The following TRIM72 variants were observed in gnomAD, a reference collection of about 807,000 sequenced individuals.
TRIM72 encodes tripartite motif containing 72.
A neutral mutation model predicts 31.6 loss-of-function variants in TRIM72; 33 were observed. That is an observed-to-expected ratio of 1.04 (90% CI 0.79 to 1.40). The LOEUF (loss-of-function observed/expected upper bound fraction) is 1.40. TRIM72 is among the 40% of genes most tolerant of loss of function. The probability of loss-of-function intolerance (pLI) is 0.00; values close to 1 mark genes in which losing one functional copy is unlikely to be tolerated. For missense variants in TRIM72, 666 were observed against 682.7 expected, an observed-to-expected ratio of 0.98 and a Z score of 0.27; for synonymous variants, 301 against 314.4, an observed-to-expected ratio of 0.96 and a Z score of 0.45.
Position 31,224,394 on chromosome 16 carries a change from C to A in TRIM72, c.1073C>A (p.Ala358Glu). 2 of 1,459,850 alleles carry A rather than the reference C, an allele frequency of 1.4e-6. No individual in the cohort carries two copies. Among genetic ancestry groups the A allele is most frequent in the Non-Finnish European group, 1.8e-6 (2 of 1,116,954 alleles). 90.4% of individuals were successfully genotyped at this position (1,459,850 alleles called of 1,614,324 possible). A position where few individuals can be genotyped will look rare whatever the true frequency, so the allele number is the denominator to read the frequency against. ...GATGTTGGCGACAAGCCGCGCTGGG[C>A]GCTGGGCGTGATCGCGGCCGAGGCC... ...EVDVGDKPRW[A>E]LGVIAAEAPR... Residue 358 changes from alanine (A) to glutamate (E), a missense_variant, in exon 7 of 7, where the codon GCG becomes GAG. By Grantham distance (107) the Ala-to-Glu change is moderately radical (BLOSUM62 -1). Transcript: ENST00000322122.
Position 31,224,668 on chromosome 16 carries a change from G to C in TRIM72, c.1347G>C (p.Val449=), listed in dbSNP as rs564747195. ...FAFHERLPRP[V]YPFFDVCWHD... is the part of the protein sequence containing the mutation. ...TCCACGAGCGCCTGCCCAGGCCCGT[G>C]TACCCCTTCTTCGACGTGTGCTGGC... The change falls in exon 7 of 7, where the codon GTG becomes GTC. Residue 449 remains valine, a synonymous_variant. Coordinates refer to ENST00000322122, the MANE Select transcript of TRIM72 (RefSeq NM_001008274.4). The C allele has an allele frequency of 7.7e-6, 12 of 1,550,116 alleles. No individual in the cohort carries two copies. The highest frequency in any genetic ancestry group is 2.7e-5 in the African/African-American group (2 of 73,368).
intron 2 of TRIM72, chr16:31,217,157 C>T: frequency 1.0e-6 from 1 of 973,310 alleles, no homozygotes; most frequent in Non-Finnish European, 1.5e-6. Context: ...TCCTATTCAA[C>T]CCTGTGGCTC....
Position 31,223,022 on chromosome 16 carries a change from C to T in TRIM72, c.859+77C>T, listed in dbSNP as rs1596942550. Reference sequence around the variant, plus strand: ...GGCCCTAGCCACCCTGGAGAGGCCTCCCAGTCCCAACTGGGGAGGCCACTG... The same window carrying T: ...GGCCCTAGCCACCCTGGAGAGGCCTTCCAGTCCCAACTGGGGAGGCCACTG... On this transcript the variant is annotated intron_variant, in intron 6 of 6. Coordinates refer to ENST00000322122, the MANE Select transcript of TRIM72 (RefSeq NM_001008274.4). 14 of 1,146,240 alleles carry T rather than the reference C, an allele frequency of 1.2e-5. No individual in the cohort carries two copies. In the East Asian group the frequency reaches 3.7e-4, roughly 30 times the overall value. 71.0% of individuals were successfully genotyped at this position (1,146,240 alleles called of 1,614,324 possible).
chr16:31,225,949 G>GA lies in TRIM72; in HGVS notation c.*1198dup, dbSNP rs1363352720. On this transcript the variant is annotated 3_prime_UTR_variant, in exon 7 of 7. Coordinates refer to ENST00000322122, the MANE Select transcript of TRIM72 (RefSeq NM_001008274.4). ...CAGACATGAGCCACTGCACCTGGCT[G>GA]AAAATGCTCATTTTTTTTTTTTTAA... The GA allele has an allele frequency of 6.6e-6, 1 of 151,598 alleles. No individual in the cohort carries two copies. Among genetic ancestry groups the GA allele is most frequent in the Non-Finnish European group, 1.5e-5 (1 of 67,892 alleles). 9.4% of individuals were successfully genotyped at this position (151,598 alleles called of 1,614,324 possible).
rs149362539 is a variant in TRIM72, at chr16:31,226,992, G to T, written c.*2237G>T. On this transcript the variant is annotated 3_prime_UTR_variant, in exon 7 of 7. Coordinates refer to ENST00000322122, the MANE Select transcript of TRIM72 (RefSeq NM_001008274.4). ...GCCTGAGGATCTGGCAGGGGAAGGC[G>T]GCACACCTGGGTGTGTCTCCCAGAG... is the stretch of plus-strand genomic sequence containing the variant. 1 of 152,276 alleles carries T rather than the reference G, an allele frequency of 6.6e-6. No individual in the cohort carries two copies. Among genetic ancestry groups the T allele is most frequent in the South Asian group, 2.1e-4 (1 of 4,830 alleles). The allele number at this position is 152,276 out of a possible 1,614,324, so 9.4% of individuals were successfully genotyped here.
In TRIM72 at chr16:31,224,347, GGGC is replaced by G. The variant is rs764242730; in HGVS notation, c.1028_1030del (p.Gly343del). On this transcript the variant is annotated inframe_deletion, in exon 7 of 7. Coordinates refer to ENST00000322122, the MANE Select transcript of TRIM72 (RefSeq NM_001008274.4). ...TGGTGGCGCACCAGCAGCTCTCCGA[GGGC>G]GAGCACTACTGGGAGGTGGATGTTG... is the stretch of plus-strand genomic sequence containing the variant. 15 of 1,582,288 alleles carry G rather than the reference GGGC, an allele frequency of 9.5e-6. No homozygotes were observed. The South Asian group carries it at 1.5e-4, about 16-fold the overall frequency.
In TRIM72 at chr16:31,215,201, T is replaced by TG; in HGVS notation, c.390+74dup. Reference sequence around the variant, plus strand: ...GGGGCCGATGGGGAGGTCGCTGCAGTGATTTGGATTCTGAGTCTCTAGAGA... The same window carrying TG: ...GGGGCCGATGGGGAGGTCGCTGCAGTGGATTTGGATTCTGAGTCTCTAGAGA... On this transcript the variant is annotated intron_variant, in intron 2 of 6. Coordinates refer to ENST00000322122, the MANE Select transcript of TRIM72 (RefSeq NM_001008274.4). This position sits in a 1 kb window ranked among gnomAD's most constrained non-coding sequence, Gnocchi z 6.3. The TG allele has an allele frequency of 6.4e-6, 9 of 1,403,048 alleles. No individual in the cohort carries two copies. The highest frequency in any genetic ancestry group is 8.3e-6 in the Non-Finnish European group (9 of 1,086,472). 86.9% of individuals were successfully genotyped at this position (1,403,048 alleles called of 1,614,324 possible).
At position 31,215,672 on chromosome 16, in the gene TRIM72, C is replaced by A. The variant is rs894127867; in HGVS notation, c.390+544C>A. Among the ~76,000 whole-genome samples, 20 of 152,218 alleles carry A rather than the reference C, an allele frequency of 1.3e-4. No homozygotes were observed. The highest frequency in any genetic ancestry group is 4.8e-4 in the African/African-American group (20 of 41,462). ...TTGGGCTGGCCTGACGGTCCCCAGG[C>A]GGGGCCTCACCAGAAGGGAGACTGT... On this transcript the variant is annotated intron_variant, in intron 2 of 6. Transcript: ENST00000322122. This position sits in a 1 kb window ranked among gnomAD's most constrained non-coding sequence, Gnocchi z 6.3.
chr16:31,217,405 G>C (rs2079515256), intron 2 of TRIM72: 1 of 184,088 alleles, frequency 5.4e-6, no homozygotes, highest in East Asian at 1.4e-4. Context: ...TACTCGGGAG[G>C]CTGAAGCAAA....
At position 31,225,010 on chromosome 16, in the gene TRIM72, G is replaced by A. The variant is rs1021848543; in HGVS notation, c.*255G>A. 3 of 339,380 alleles carry A rather than the reference G, an allele frequency of 8.8e-6. No homozygotes were observed. The allele number at this position is 339,380 out of a possible 1,614,324, so 21.0% of individuals were successfully genotyped here. The stretch of plus-strand genomic sequence containing the variant: ...GTTCAAGACCAGCCTGGCCAACATG[G>A]TGAAACTCCTCTCTACTGAAAATAC... On this transcript the variant is annotated 3_prime_UTR_variant, in exon 7 of 7. Coordinates refer to ENST00000322122, the MANE Select transcript of TRIM72 (RefSeq NM_001008274.4).
At chr16:31,217,075 G>A in intron 2 of TRIM72, 1 of 1,569,324 alleles carries the variant, frequency 6.4e-7, no homozygotes. Flanking sequence ...GAGCCATCAG[G>A]TCCTACCTTT....
chr16:31,224,280 C>T lies in TRIM72; in HGVS notation c.959C>T (p.Pro320Leu), dbSNP rs773218230. ...RVECSEQKAPPAGEDPRQFDK... is the reference protein window; with the variant it reads ...RVECSEQKAPLAGEDPRQFDK... Reference sequence around the variant, plus strand: ...GAGTGCTCGGAGCAGAAGGCGCCGCCGGCCGGGGAGGACCCGCGCCAGTTC... The same window carrying T: ...GAGTGCTCGGAGCAGAAGGCGCCGCTGGCCGGGGAGGACCCGCGCCAGTTC... Residue 320 changes from proline (P) to leucine (L), a missense_variant, in exon 7 of 7, where the codon CCG becomes CTG. By Grantham distance (98) the Pro-to-Leu change is moderately conservative (BLOSUM62 -3). Transcript: ENST00000322122. 17 of 1,603,482 alleles carry T rather than the reference C, an allele frequency of 1.1e-5. No individual in the cohort carries two copies. The East Asian group carries it at 3.1e-4, about 29-fold the overall frequency.
At chr16:31,214,680 G>T in intron 1 of TRIM72, 52 bp from the exon 2 acceptor site, 1 of 1,437,544 alleles carries the variant, frequency 7.0e-7, no homozygotes, top group Non-Finnish European at 9.1e-7. Context: ...CCAGGGCTGG[G>T]CCGGGAGCGC....
intron 2 of TRIM72, among the ~76,000 whole-genome samples, chr16:31,217,859 CG>C (rs966007225): frequency 6.6e-6 from 1 of 152,088 alleles, no homozygotes; most frequent in African/African-American, 2.4e-5. Context: ...GTGATCCACC[CG>C]CCCTGGCCTC....
chr16:31,219,585 T>C lies in TRIM72; in HGVS notation c.717+66T>C. The C allele has an allele frequency of 7.0e-7, 1 of 1,438,064 alleles. No homozygotes were observed. Among genetic ancestry groups the C allele is most frequent in the African/African-American group, 1.4e-5 (1 of 70,092 alleles). The allele number at this position is 1,438,064 out of a possible 1,614,324, so 89.1% of individuals were successfully genotyped here. A position where few individuals can be genotyped will look rare whatever the true frequency, so the allele number is the denominator to read the frequency against. ...CTCAGGGCCCAGAGACCTCATCCCA[T>C]TGTCAGATAGGCCCAGAGAGGGGCA... On this transcript the variant is annotated intron_variant, in intron 4 of 6. Transcript: ENST00000322122. This position sits in a 1 kb window ranked among gnomAD's most constrained non-coding sequence, Gnocchi z 4.2.
At chr16:31,221,382 G>C (rs2079532664) in intron 5 of TRIM72, among the ~76,000 whole-genome samples, 1 of 150,072 alleles carries the variant, frequency 6.7e-6, no homozygotes, top group African/African-American at 2.5e-5. Context: ...GGGCATTATG[G>C]GGAGAAGGGC....
At position 31,216,782 on chromosome 16, in the gene TRIM72, C is replaced by G. The variant is rs1567493091; in HGVS notation, c.390+1654C>G. Reference sequence around the variant, plus strand: ...CCTCACGCAGCCCGCTGCAGCCGTGCGGCCTCCTCCAACATGCGCATGTCG... The same window carrying G: ...CCTCACGCAGCCCGCTGCAGCCGTGGGGCCTCCTCCAACATGCGCATGTCG... On this transcript the variant is annotated intron_variant, in intron 2 of 6. Transcript: ENST00000322122. This position sits in a 1 kb window ranked among gnomAD's most constrained non-coding sequence, Gnocchi z 6.7. 14 of 1,604,662 alleles carry G rather than the reference C, an allele frequency of 8.7e-6. No homozygotes were observed. Among genetic ancestry groups the G allele is most frequent in the Non-Finnish European group, 1.0e-5 (12 of 1,173,106 alleles).
Position 31,225,674 on chromosome 16 carries a change from CAG to C in TRIM72, c.*922_*923del, listed in dbSNP as rs2079553315. On this transcript the variant is annotated 3_prime_UTR_variant, in exon 7 of 7. Coordinates refer to ENST00000322122, the MANE Select transcript of TRIM72 (RefSeq NM_001008274.4). ...TTTTTTTTTTTTTTTTTTTTTGAGA[CAG>C]AGTCTTGCTCTGTCACTCAAGGCTA... 1 of 88,612 alleles carries C rather than the reference CAG, an allele frequency of 1.1e-5. No homozygotes were observed. The highest frequency in any genetic ancestry group is 2.0e-5 in the Non-Finnish European group (1 of 50,288). The allele number at this position is 88,612 out of a possible 1,614,324, so 5.5% of individuals were successfully genotyped here. A position where few individuals can be genotyped will look rare whatever the true frequency, so the allele number is the denominator to read the frequency against.
Position 31,217,123 on chromosome 16 carries a change from C to G in TRIM72, c.391-1972C>G, listed in dbSNP as rs906878765. On this transcript the variant is annotated intron_variant, in intron 2 of 6. Coordinates refer to ENST00000322122, the MANE Select transcript of TRIM72 (RefSeq NM_001008274.4). ...GGAGCTGCCGCCCCCGGGGATGTCC[C>G]GGGAAGGAGACTGATCTGGCAGCTC... 5.2e-6 allele frequency: 7 copies of G among 1,350,098 alleles called. No homozygotes were observed. In the African/African-American group the frequency reaches 1.0e-4, roughly 20 times the overall value. The allele number at this position is 1,350,098 out of a possible 1,614,324, so 83.6% of individuals were successfully genotyped here.
Sources: gnomAD v4.1 joint callset for allele counts (sites outside exome capture counted in the v4.1 genomes callset) on GRCh38, gnomAD v4.1.1 for gene constraint, Gnocchi (gnomAD v3.1) non-coding constraint, MANE v1.5 for transcripts, NCBI Gene and HGNC (gene_info 2026-07-23, HGNC 2026-07-21) for gene names.